Variants in UBE2E2 observed in about 807,000 individuals in gnomAD.
UBE2E2 encodes ubiquitin-conjugating enzyme E2 E2.
In UBE2E2, 6 loss-of-function variants were observed where a neutral mutation model predicts 24.7. The observed-to-expected ratio is 0.24, with a 90% CI of 0.13 to 0.48. The LOEUF (loss-of-function observed/expected upper bound fraction) is 0.48. Ranked by LOEUF, UBE2E2 falls within the 20% of genes least tolerant of loss-of-function variation. The probability of loss-of-function intolerance (pLI) is 0.99; values close to 1 mark genes in which losing one functional copy is unlikely to be tolerated. For synonymous variants in UBE2E2, 104 were observed against 83.6 expected, an observed-to-expected ratio of 1.24 and a Z score of -1.33; for missense variants, 169 against 245.0, an observed-to-expected ratio of 0.69 and a Z score of 2.07.
chr3:23,275,066 G>C (rs568156074), intron 3 of UBE2E2, among the ~76,000 whole-genome samples: 16 of 152,338 alleles, frequency 1.1e-4, no homozygotes, highest in African/African-American at 3.6e-4. Flanking sequence ...TGTGTAAAGC[G>C]TTGTGTTAGG....
chr3:23,498,291 T>G (rs1001992239), intron 3 of UBE2E2, among the ~76,000 whole-genome samples: 2 of 152,244 alleles, frequency 1.3e-5, no homozygotes, highest in African/African-American at 4.8e-5. Context: ...CAACAGCATT[T>G]GTTTATTTAC....
intron 3 of UBE2E2, among the ~76,000 whole-genome samples, chr3:23,481,141 C>G (rs1699250742): frequency 6.6e-6 from 1 of 152,154 alleles, no homozygotes; most frequent in African/African-American, 2.4e-5. Context: ...TTAAATTCAT[C>G]AAAGCAAAGA....
At chr3:23,357,137 A>G (rs1426395299) in intron 3 of UBE2E2, among the ~76,000 whole-genome samples, 4 of 152,212 alleles carry the variant, frequency 2.6e-5, no homozygotes, top group Non-Finnish European at 5.9e-5. Context: ...CTTCACTGCA[A>G]GGAGTGGGGA....
intron 3 of UBE2E2, among the ~76,000 whole-genome samples, chr3:23,331,888 C>G (rs1414763614): frequency 1.3e-5 from 2 of 152,160 alleles, no homozygotes; most frequent in Non-Finnish European, 2.9e-5. Flanking sequence ...GTATACTTGT[C>G]TAGTTGCTTA....
At chr3:23,295,911 C>G (rs1698894725) in intron 3 of UBE2E2, among the ~76,000 whole-genome samples, 1 of 152,152 alleles carries the variant, frequency 6.6e-6, no homozygotes, top group African/African-American at 2.4e-5. Context: ...GCCACCCTTT[C>G]CTGCCACAAT....
At chr3:23,522,240 C>T (rs1231703176) in intron 4 of UBE2E2, among the ~76,000 whole-genome samples, 2 of 151,576 alleles carry the variant, frequency 1.3e-5, no homozygotes, top group Non-Finnish European at 2.9e-5. Context: ...GCGCCGTTCT[C>T]CTGCCTCAGC....
chr3:23,543,042 G>GT (rs1401346288), intron 5 of UBE2E2, among the ~76,000 whole-genome samples: 1 of 152,168 alleles, frequency 6.6e-6, no homozygotes, highest in African/African-American at 2.4e-5. Context: ...TCTTGGCTAG[G>GT]TGGCTCATGC....
At chr3:23,225,363 C>T (rs935163192) in intron 3 of UBE2E2, among the ~76,000 whole-genome samples, 3 of 151,918 alleles carry the variant, frequency 2.0e-5, no homozygotes, top group African/African-American at 7.3e-5. Flanking sequence ...ATCTTAGAAA[C>T]CATTGCCTAA....
chr3:23,216,267 T>TGG (rs1207942261), intron 2 of UBE2E2, among the ~76,000 whole-genome samples: 8 of 152,282 alleles, frequency 5.3e-5, no homozygotes, highest in Middle Eastern at 3.4e-3. Flanking sequence ...TGATACCAAT[T>TGG]CTATTGGAGG....
chr3:23,270,889 T>C, intron 3 of UBE2E2: 2 of 456,150 alleles, frequency 4.4e-6, no homozygotes, highest in Non-Finnish European at 8.8e-6. Flanking sequence ...TTAAGAACGA[T>C]AATTGTCTAA....
chr3:23,539,582 G>T (rs948513821), intron 5 of UBE2E2, among the ~76,000 whole-genome samples: 2 of 151,996 alleles, frequency 1.3e-5, no homozygotes, highest in African/African-American at 4.8e-5. Flanking sequence ...TACTTCTAAC[G>T]CAGGGAGTAT....
In UBE2E2 at chr3:23,484,806, A is replaced by G. The variant is rs187440864; in HGVS notation, c.228-14802A>G. ...CTTATGCAGGGGAACTGCCCTTTATAAAACCATCAGATCTCGTGAGGCTTA... is the reference window on the plus strand; with the variant it reads ...CTTATGCAGGGGAACTGCCCTTTATGAAACCATCAGATCTCGTGAGGCTTA... On this transcript the variant is annotated intron_variant, in intron 3 of 5. Coordinates refer to ENST00000396703, the MANE Select transcript of UBE2E2 (RefSeq NM_152653.4). Among the ~76,000 whole-genome samples the G allele has an allele frequency of 9.9e-5, 15 of 152,270 alleles. No homozygotes were observed. The East Asian group carries it at 2.7e-3, about 27-fold the overall frequency.
At chr3:23,287,453 G>C (rs1698647199) in intron 3 of UBE2E2, among the ~76,000 whole-genome samples, 2 of 152,136 alleles carry the variant, frequency 1.3e-5, no homozygotes. Context: ...GAATTGGGAA[G>C]TATTCCCTTC....
chr3:23,254,638 A>G (rs1447914910), intron 3 of UBE2E2, among the ~76,000 whole-genome samples: 14 of 152,166 alleles, frequency 9.2e-5, no homozygotes, highest in South Asian at 8.3e-4. Flanking sequence ...CATTCAAGAT[A>G]TTGTGTTGTT....
chr3:23,464,529 A>G (rs1381171989), intron 3 of UBE2E2, among the ~76,000 whole-genome samples: 1 of 152,192 alleles, frequency 6.6e-6, no homozygotes, highest in Middle Eastern at 3.2e-3. Context: ...TTAAGAGTTC[A>G]TTTAGAAACT....
At chr3:23,355,145 C>T (rs763241422) in intron 3 of UBE2E2, among the ~76,000 whole-genome samples, 2 of 150,832 alleles carry the variant, frequency 1.3e-5, no homozygotes, top group Non-Finnish European at 2.9e-5. Flanking sequence ...AAACAAACAC[C>T]TCATGTTCTC....
intron 3 of UBE2E2, among the ~76,000 whole-genome samples, chr3:23,427,299 A>G (rs1175178896): frequency 2.0e-5 from 3 of 151,136 alleles, no homozygotes; most frequent in Non-Finnish European, 4.4e-5. Context: ...GTGTCATTGT[A>G]TGTGCCTGTA....
chr3:23,491,140 G>A (rs1036185592), intron 3 of UBE2E2, among the ~76,000 whole-genome samples: 21 of 151,976 alleles, frequency 1.4e-4, no homozygotes, highest in Admixed American at 1.2e-3. Flanking sequence ...AGATGTTTTG[G>A]TAGACTTTGG....
chr3:23,437,112 C>T (rs902382209), intron 3 of UBE2E2, among the ~76,000 whole-genome samples: 1 of 152,178 alleles, frequency 6.6e-6, no homozygotes, highest in Non-Finnish European at 1.5e-5. Flanking sequence ...GTTCTTTCTC[C>T]CTTTCACTTG....
Sources: gnomAD v4.1 joint callset for allele counts (sites outside exome capture counted in the v4.1 genomes callset) on GRCh38, gnomAD v4.1.1 for gene constraint, MANE v1.5 for transcripts, NCBI Gene and HGNC (gene_info 2026-07-23, HGNC 2026-07-21) for gene names.